DAAM1: variants seen among roughly 807,000 people sequenced by gnomAD.
DAAM1 encodes disheveled-associated activator of morphogenesis 1.
Under a neutral mutation model 130.0 loss-of-function variants are expected in DAAM1, and 52 were observed. That is an observed-to-expected ratio of 0.40 (90% confidence interval 0.32 to 0.50). The LOEUF (loss-of-function observed/expected upper bound fraction) is 0.50. Ranked by LOEUF, DAAM1 falls within the 20% of genes least tolerant of loss-of-function variation. The pLI, the probability that DAAM1 is intolerant of heterozygous loss-of-function variation, is 0.61. For missense variants in DAAM1, 1,134 were observed against 1,303.8 expected, an observed-to-expected ratio of 0.87 and a Z score of 2.01; for synonymous variants, 452 against 444.5, an observed-to-expected ratio of 1.02 and a Z score of -0.21.
chr14:59,270,132 A>G (rs1452176327), intron 2 of DAAM1, among the ~76,000 whole-genome samples: 1 of 152,174 alleles, frequency 6.6e-6, no homozygotes, highest in Non-Finnish European at 1.5e-5. Context: ...GGTGTTGGTA[A>G]GTTTTGTGAT....
chr14:59,225,859 A>G (rs1415341187), intron 1 of DAAM1, among the ~76,000 whole-genome samples: 1 of 152,206 alleles, frequency 6.6e-6, no homozygotes, highest in Non-Finnish European at 1.5e-5. Context: ...CACTTTGCAT[A>G]GCACTATAAA....
intron 1 of DAAM1, among the ~76,000 whole-genome samples, chr14:59,195,061 G>T (rs533169717): frequency 6.6e-6 from 1 of 151,936 alleles, no homozygotes; most frequent in East Asian, 1.9e-4. Flanking sequence ...TAGCCATTAG[G>T]CTACACAATC....
chr14:59,338,363 C>T, intron 15 of DAAM1: 1 of 1,613,436 alleles, frequency 6.2e-7, no homozygotes, highest in Non-Finnish European at 8.5e-7. Flanking sequence ...TTGCCTTTTC[C>T]ATGCCTCTGC....
intron 16 of DAAM1, 72 bp downstream of exon 16, chr14:59,340,252 A>C: frequency 6.9e-7 from 1 of 1,438,858 alleles, no homozygotes; most frequent in Admixed American, 1.7e-5. Flanking sequence ...ACCACATGTT[A>C]GTGATTTTGT....
chr14:59,305,584 A>G (rs1351494507), intron 3 of DAAM1, among the ~76,000 whole-genome samples: 1 of 152,232 alleles, frequency 6.6e-6, no homozygotes, highest in Non-Finnish European at 1.5e-5. Context: ...CAGATATACC[A>G]GGTGCACATA....
At chr14:59,332,731 G>A (rs1885490575) in intron 15 of DAAM1, among the ~76,000 whole-genome samples, 1 of 152,132 alleles carries the variant, frequency 6.6e-6, no homozygotes, top group Non-Finnish European at 1.5e-5. Context: ...AAGAAAAGGT[G>A]GAGTAGGATC....
At chr14:59,337,141 C>G (rs1415680786) in intron 15 of DAAM1, among the ~76,000 whole-genome samples, 7 of 150,746 alleles carry the variant, frequency 4.6e-5, no homozygotes, top group Admixed American at 1.3e-4. Flanking sequence ...ACTAGCAACT[C>G]TCTCTTTAAG....
At chr14:59,323,689 G>A (rs902273132) in intron 6 of DAAM1, among the ~76,000 whole-genome samples, 3 of 152,240 alleles carry the variant, frequency 2.0e-5, no homozygotes, top group East Asian at 3.9e-4. Flanking sequence ...CTGTTCTTAA[G>A]GAGAAAAAGG....
At chr14:59,325,579 A>G in intron 8 of DAAM1, 85 bp from the exon 9 acceptor site, 1 of 1,188,134 alleles carries the variant, frequency 8.4e-7, no homozygotes, top group Non-Finnish European at 1.2e-6. Flanking sequence ...AAGTCAGGAA[A>G]AACCATGATA....
Position 59,331,350 on chromosome 14 carries a change from C to T in DAAM1, c.1702C>T (p.Pro568Ser), listed in dbSNP as rs771645843. ...PGGMLPPPPPPLPPGGPPPPP... is the reference protein window; with the variant it reads ...PGGMLPPPPPSLPPGGPPPPP... ...TGGGATGCTTCCCCCTCCACCGCCT[C>T]CCCTCCCTCCAGGTGGCCCTCCTCC... Residue 568 changes from proline (P) to serine (S), a missense_variant, in exon 14 of 25, where the codon CCC becomes TCC. Physicochemically the swap from Pro to Ser is moderately conservative, Grantham distance 74 (BLOSUM62 -1). Coordinates refer to ENST00000360909, the MANE Select transcript of DAAM1 (RefSeq NM_001270520.2). 3 of 1,611,674 alleles carry T rather than the reference C, an allele frequency of 1.9e-6. No individual in the cohort carries two copies. The highest frequency in any genetic ancestry group is 2.5e-6 in the Non-Finnish European group (3 of 1,179,064).
At position 59,369,245 on chromosome 14, in the gene DAAM1, AC is replaced by A. The variant is rs1487582919; in HGVS notation, c.*387del. ...AAGGCAAAACAGAAGAAACAAACAAACAAACAAAAAAAGCTTGCAAAATATT... is the reference window on the plus strand; with the variant it reads ...AAGGCAAAACAGAAGAAACAAACAAAAAACAAAAAAAGCTTGCAAAATATT... On this transcript the variant is annotated 3_prime_UTR_variant, in exon 25 of 25. Coordinates refer to ENST00000360909, the MANE Select transcript of DAAM1 (RefSeq NM_001270520.2). 3 of 156,412 alleles carry A rather than the reference AC, an allele frequency of 1.9e-5. No homozygotes were observed. The highest frequency in any genetic ancestry group is 1.8e-4 in the East Asian group (1 of 5,414). The allele number at this position is 156,412 out of a possible 1,614,324, so 9.7% of individuals were successfully genotyped here. A position where few individuals can be genotyped will look rare whatever the true frequency, so the allele number is the denominator to read the frequency against.
intron 12 of DAAM1, among the ~76,000 whole-genome samples, chr14:59,327,209 T>C (rs1171956004): frequency 2.0e-5 from 3 of 152,118 alleles, no homozygotes; most frequent in Admixed American, 1.3e-4. Flanking sequence ...ATTATAATCA[T>C]GTAAATGTTT....
rs1214017374 is a variant in DAAM1, at chr14:59,323,170, T to G, written c.719T>G (p.Val240Gly). ...VCLVPGGHKK[V>G]LQAMLHYQKY... ...CTGGTTCCCGGGGGCCACAAGAAGG[T>G]TCTGCAGGCCATGCTGCACTACCAG... The change falls in exon 6 of 25, where the codon GTT becomes GGT. Residue 240 changes from valine (V) to glycine (G), a missense_variant. Physicochemically the swap from Val to Gly is moderately radical, Grantham distance 109. Coordinates refer to ENST00000360909, the MANE Select transcript of DAAM1 (RefSeq NM_001270520.2). 1 of 1,613,732 alleles carries G rather than the reference T, an allele frequency of 6.2e-7. No homozygotes were observed. Among genetic ancestry groups the G allele is most frequent in the Admixed American group, 1.7e-5 (1 of 59,990 alleles).
chr14:59,289,167 G>T (rs977731316), intron 2 of DAAM1, among the ~76,000 whole-genome samples: 5 of 151,854 alleles, frequency 3.3e-5, no homozygotes, highest in African/African-American at 1.2e-4. Context: ...TGCCCGCCTC[G>T]GCCTCCTAAA....
intron 3 of DAAM1, among the ~76,000 whole-genome samples, chr14:59,299,555 T>C (rs1285053248): frequency 6.6e-6 from 1 of 152,182 alleles, no homozygotes; most frequent in African/African-American, 2.4e-5. Flanking sequence ...CTCCATTTTC[T>C]TGAGTGATGT....
intron 3 of DAAM1, among the ~76,000 whole-genome samples, chr14:59,313,100 T>G (rs942797929): frequency 1.3e-5 from 2 of 152,220 alleles, no homozygotes; most frequent in Non-Finnish European, 2.9e-5. Flanking sequence ...AGAGAACAAT[T>G]GCATTCATCT....
intron 1 of DAAM1, among the ~76,000 whole-genome samples, chr14:59,192,434 G>A (rs930677435): frequency 6.6e-6 from 1 of 152,132 alleles, no homozygotes; most frequent in Non-Finnish European, 1.5e-5. Flanking sequence ...CTAGGTGTTT[G>A]GTTCAGGAAA....
intron 17 of DAAM1, 23 bp downstream of exon 17, chr14:59,347,646 GAGC>G (rs746914170): frequency 1.2e-6 from 2 of 1,610,034 alleles, no homozygotes; most frequent in South Asian, 2.2e-5. Flanking sequence ...ATGTATCTGA[GAGC>G]AGAAGTGAAA....
At chr14:59,260,751 G>A (rs1882123824) in intron 1 of DAAM1, among the ~76,000 whole-genome samples, 1 of 152,180 alleles carries the variant, frequency 6.6e-6, no homozygotes, top group African/African-American at 2.4e-5. Context: ...TTAAGACTTT[G>A]ATAAATTGCC....
Sources: allele counts gnomAD v4.1 joint callset (sites outside exome capture counted in the v4.1 genomes callset), GRCh38; gene constraint gnomAD v4.1.1; transcripts MANE v1.5; gene names NCBI Gene and HGNC (gene_info 2026-07-23, HGNC 2026-07-21).